The following WDR70 variants were observed in gnomAD, a reference collection of about 807,000 sequenced individuals.
The protein encoded by WDR70 is WD repeat domain 70.
Under a neutral mutation model 88.6 loss-of-function variants are expected in WDR70, and 53 were observed. The observed-to-expected ratio is 0.60, with a 90% CI of 0.48 to 0.75. WDR70 has a LOEUF of 0.75. Among genes scored for constraint, WDR70 ranks in the 30% least tolerant of loss-of-function variants. The pLI is 0.00. For missense variants in WDR70, 610 were observed against 823.2 expected (o/e 0.74, Z 3.17); for synonymous variants, 280 against 270.0 (o/e 1.04, Z -0.36).
At chr5:37,416,390 T>C (rs1749752099) in intron 5 of WDR70, among the ~76,000 whole-genome samples, 1 of 151,732 alleles carries the variant, frequency 6.6e-6, no homozygotes, top group Non-Finnish European at 1.5e-5. Context: ...GCGCCTGCAA[T>C]TGCAGGCACT....
chr5:37,605,979 A>T (rs568278212), intron 10 of WDR70, among the ~76,000 whole-genome samples: 6 of 152,316 alleles, frequency 3.9e-5, no homozygotes, highest in Non-Finnish European at 8.8e-5. Flanking sequence ...TATTTTATAA[A>T]AGTTTCTGGC....
chr5:37,381,161 G>A (rs7709224), intron 2 of WDR70, among the ~76,000 whole-genome samples: 8,255 of 152,126 alleles, frequency 0.054, 707 homozygotes, highest in African/African-American at 0.18. Flanking sequence ...TGCCCCTTTC[G>A]TCTTCAAGCC....
At chr5:37,482,146 C>T (rs959631715) in intron 8 of WDR70, among the ~76,000 whole-genome samples, 3 of 152,144 alleles carry the variant, frequency 2.0e-5, no homozygotes, top group African/African-American at 7.2e-5. Flanking sequence ...AACTTTCCCA[C>T]ATTTTCCTAT....
chr5:37,513,095 T>G (rs746660939), intron 8 of WDR70, among the ~76,000 whole-genome samples: 2 of 152,200 alleles, frequency 1.3e-5, no homozygotes, highest in Non-Finnish European at 2.9e-5. Context: ...TTATATTCAA[T>G]TTTTGGTTGT....
intron 8 of WDR70, among the ~76,000 whole-genome samples, chr5:37,503,817 G>A (rs1581344371): frequency 6.6e-6 from 1 of 151,700 alleles, no homozygotes; most frequent in East Asian, 1.9e-4. Flanking sequence ...CTATTGGTTT[G>A]TTCAGGATTT....
intron 8 of WDR70, among the ~76,000 whole-genome samples, chr5:37,483,596 G>T (rs969238712): frequency 3.3e-5 from 5 of 151,820 alleles, no homozygotes; most frequent in East Asian, 3.9e-4. Context: ...ATCATAGCCC[G>T]TTCTCAATGA....
rs548980373 is a variant in WDR70, at chr5:37,540,982, A to C, written c.917+24392A>C. On this transcript the variant is annotated intron_variant, in intron 9 of 17. Transcript: ENST00000265107. ...AACTCAGCATTCAAATGCTTTCCCC[A>C]TCTATTGGTGTAGTAATATAATCTT... Among the ~76,000 whole-genome samples the C allele has an allele frequency of 2.0e-5, 3 of 152,354 alleles. No homozygotes were observed. The South Asian group carries it at 6.2e-4, about 32-fold the overall frequency.
intron 5 of WDR70, among the ~76,000 whole-genome samples, chr5:37,403,240 G>T (rs1749256187): frequency 6.6e-6 from 1 of 152,060 alleles, no homozygotes; most frequent in Admixed American, 6.6e-5. Context: ...GAGCCACTGT[G>T]CCCGGTCCCC....
chr5:37,386,539 GC>G (rs1748622406), intron 3 of WDR70, among the ~76,000 whole-genome samples: 1 of 152,032 alleles, frequency 6.6e-6, no homozygotes, highest in Admixed American at 6.6e-5. Context: ...TGTTGGCCAG[GC>G]TTATCTCAAA....
intron 10 of WDR70, among the ~76,000 whole-genome samples, chr5:37,662,119 C>G (rs186678623): frequency 6.6e-6 from 1 of 152,308 alleles, no homozygotes; most frequent in African/African-American, 2.4e-5. Flanking sequence ...GGTCTGATCT[C>G]TTTCACTGCC....
intron 10 of WDR70, among the ~76,000 whole-genome samples, chr5:37,683,488 C>A (rs1746498228): frequency 6.6e-6 from 1 of 152,114 alleles, no homozygotes; most frequent in African/African-American, 2.4e-5. Flanking sequence ...AATGGTCTTT[C>A]CTTTCCATAT....
chr5:37,402,943 C>CCTTTTTTTT (rs1561838923), intron 5 of WDR70, among the ~76,000 whole-genome samples: 2 of 41,712 alleles, frequency 4.8e-5, no homozygotes, highest in Admixed American at 3.6e-4. Flanking sequence ...TCCCTCCCTC[C>CCTTTTTTTT]GTTTTTTTTT....
intron 7 of WDR70, among the ~76,000 whole-genome samples, chr5:37,466,315 TTC>T (rs1197492480): frequency 1.3e-5 from 2 of 152,258 alleles, no homozygotes; most frequent in Non-Finnish European, 2.9e-5. Context: ...TCTTCTGTTT[TTC>T]CAAAGTTGAG....
At chr5:37,433,643 A>G (rs1013131941) in intron 5 of WDR70, among the ~76,000 whole-genome samples, 5 of 152,202 alleles carry the variant, frequency 3.3e-5, no homozygotes, top group Admixed American at 3.3e-4. Context: ...AAATACTTGA[A>G]GTTCAGAAAG....
intron 17 of WDR70, among the ~76,000 whole-genome samples, chr5:37,735,748 C>A (rs1317345360): frequency 6.6e-6 from 1 of 152,122 alleles, no homozygotes; most frequent in Non-Finnish European, 1.5e-5. Flanking sequence ...GTAAAGGTCA[C>A]TGTAATTGAG....
At chr5:37,651,357 T>C (rs1029694795) in intron 10 of WDR70, among the ~76,000 whole-genome samples, 2 of 152,212 alleles carry the variant, frequency 1.3e-5, no homozygotes, top group African/African-American at 4.8e-5. Context: ...CTTTATCCAA[T>C]CTATCATTGA....
rs146393127 is a variant in WDR70, at chr5:37,580,237, G to A, written c.918-24827G>A. On this transcript the variant is annotated intron_variant, in intron 9 of 17. Coordinates refer to ENST00000265107, the MANE Select transcript of WDR70 (RefSeq NM_018034.4). ...AGATAGTTTATTTGGAAGCCGTATT[G>A]CCAAGCAGCTATGGAAAGCTTTGGC... Among the ~76,000 whole-genome samples the A allele has an allele frequency of 7.7e-4, 118 of 152,258 alleles. 1 individual carries two copies. The highest frequency in any genetic ancestry group is 2.7e-3 in the African/African-American group (111 of 41,546).
chr5:37,674,181 G>A (rs1746123341), intron 10 of WDR70, among the ~76,000 whole-genome samples: 1 of 151,930 alleles, frequency 6.6e-6, no homozygotes, highest in Non-Finnish European at 1.5e-5. Flanking sequence ...GTAAGTCTTC[G>A]AGGAATTGCC....
chr5:37,454,257 C>G (rs1738763039), intron 7 of WDR70, among the ~76,000 whole-genome samples: 2 of 152,148 alleles, frequency 1.3e-5, no homozygotes, highest in Admixed American at 6.5e-5. Flanking sequence ...TTTGAAATCA[C>G]TGGCTCTGCA....
Sources: gnomAD v4.1 joint callset for allele counts (sites outside exome capture counted in the v4.1 genomes callset) on GRCh38, gnomAD v4.1.1 for gene constraint, MANE v1.5 for transcripts, NCBI Gene and HGNC (gene_info 2026-07-23, HGNC 2026-07-21) for gene names.